Variants in NUP210 observed in about 807,000 individuals in gnomAD.
NUP210 encodes the protein nuclear pore membrane glycoprotein 210.
A neutral mutation model predicts 196.0 loss-of-function variants in NUP210; 151 were observed. The observed-to-expected ratio is 0.77, with a 90% confidence interval of 0.67 to 0.88. The LOEUF is 0.88. NUP210 is among the 40% of genes least tolerant of loss of function. The pLI is 0.00. For missense variants in NUP210, 2,314 were observed against 2,493.7 expected, an observed-to-expected ratio of 0.93 and a Z score of 1.53; for synonymous variants, 1,070 against 1,052.7, an observed-to-expected ratio of 1.02 and a Z score of -0.32.
At chr3:13,372,570 A>C (rs1462547093) in intron 12 of NUP210, among the ~76,000 whole-genome samples, 1 of 152,140 alleles carries the variant, frequency 6.6e-6, no homozygotes, top group Non-Finnish European at 1.5e-5. Flanking sequence ...GCGTGTTAGG[A>C]CCAGTGAGAT....
intron 5 of NUP210, among the ~76,000 whole-genome samples, chr3:13,387,809 G>A (rs1699324985): frequency 6.6e-6 from 1 of 152,146 alleles, no homozygotes; most frequent in African/African-American, 2.4e-5. Context: ...ATGCTGGTGA[G>A]GCCAGGAAGA....
chr3:13,348,895 G>A lies in NUP210; in HGVS notation c.2835+2984C>T. On this transcript the variant is annotated intron_variant, in intron 20 of 39. Transcript: ENST00000254508. The surrounding 1 kb of genome is among the most constrained non-coding windows in gnomAD (Gnocchi z 4.0). ...ACCCCAAACACCAAACAAAAAAACT[G>A]AATTAAAAAACTTATTAAACAGGGG... 1 of 961,468 alleles carries A rather than the reference G, an allele frequency of 1.0e-6. No homozygotes were observed. The allele number at this position is 961,468 out of a possible 1,614,324, so 59.6% of individuals were successfully genotyped here. A position where few individuals can be genotyped will look rare whatever the true frequency, so the allele number is the denominator to read the frequency against.
chr3:13,338,222 T>C (rs948343013), intron 25 of NUP210, among the ~76,000 whole-genome samples: 13 of 152,210 alleles, frequency 8.5e-5, no homozygotes, highest in African/African-American at 2.7e-4. Flanking sequence ...GACTGGTGCC[T>C]GCTCTTCCTT....
intron 26 of NUP210, 110 bp downstream of exon 26, chr3:13,337,727 A>G: frequency 1.0e-6 from 1 of 987,556 alleles, no homozygotes. Flanking sequence ...CAGGCCCTAG[A>G]TACCCGGGCC....
chr3:13,381,682 G>A (rs1699105631), intron 6 of NUP210, among the ~76,000 whole-genome samples: 1 of 151,968 alleles, frequency 6.6e-6, no homozygotes, highest in African/African-American at 2.4e-5. Flanking sequence ...TGAATTATTG[G>A]GCCAACAACA....
chr3:13,376,235 C>T lies in NUP210; in HGVS notation c.1293+56G>A, dbSNP rs73813570. 3.9e-3 allele frequency: 6,146 copies of T among 1,595,208 alleles called. 212 individuals are homozygous for T. The African/African-American group carries it at 0.074, about 19-fold the overall frequency. On this transcript the variant is annotated intron_variant, in intron 10 of 39. Transcript: ENST00000254508. ...TGGCCCTCCTGGGCTGACATTTCTG[C>T]CTACAGAGGGTGGCTTCATAGGACA... is the stretch of plus-strand genomic sequence containing the variant.
chr3:13,351,678 G>A lies in NUP210; in HGVS notation c.2835+201C>T, dbSNP rs1266136851. The A allele has an allele frequency of 6.8e-6, 3 of 441,632 alleles. No individual in the cohort carries two copies. The East Asian group carries it at 1.1e-4, about 17-fold the overall frequency. The allele number at this position is 441,632 out of a possible 1,614,324, so 27.4% of individuals were successfully genotyped here. On this transcript the variant is annotated intron_variant, in intron 20 of 39. Coordinates refer to ENST00000254508, the MANE Select transcript of NUP210 (RefSeq NM_024923.4). ...ATTTTTGATTTTTCTTTTTTTTTTT[G>A]TAGAGATGGGGGTCTCACTATATTG...
chr3:13,385,523 C>G (rs1435439742), intron 6 of NUP210, among the ~76,000 whole-genome samples: 1 of 152,244 alleles, frequency 6.6e-6, no homozygotes, highest in Non-Finnish European at 1.5e-5. Flanking sequence ...TTTGTCCTCA[C>G]AGCCCAGGCA....
chr3:13,330,973 A>G (rs945568298), intron 29 of NUP210, among the ~76,000 whole-genome samples: 1 of 152,122 alleles, frequency 6.6e-6, no homozygotes, highest in Non-Finnish European at 1.5e-5. Context: ...GTAAAATATC[A>G]TTTCTGCAGC....
intron 13 of NUP210, among the ~76,000 whole-genome samples, chr3:13,370,080 C>G (rs947085053): frequency 4.6e-5 from 7 of 152,304 alleles, no homozygotes; most frequent in African/African-American, 1.7e-4. Flanking sequence ...ACAGGTCAAC[C>G]TGCTGATCCA....
intron 14 of NUP210, among the ~76,000 whole-genome samples, chr3:13,365,611 C>A (rs1698503789): frequency 6.6e-6 from 1 of 152,220 alleles, no homozygotes; most frequent in African/African-American, 2.4e-5. Flanking sequence ...CAGAAGCACT[C>A]CCCTGTTCTG....
rs1485806812 is a variant in NUP210 at position 13,319,227 on chromosome 3, C to T, written c.5479+3G>A. On this transcript the variant is annotated splice_donor_region_variant and intron_variant, in intron 38 of 39. Coordinates refer to ENST00000254508, the MANE Select transcript of NUP210 (RefSeq NM_024923.4). Reference sequence around the variant, plus strand: ...GACCCAGAGATACAGGCAGCCTCCTCACCTATGATCATGACCGCTGTCCCA... The same window carrying T: ...GACCCAGAGATACAGGCAGCCTCCTTACCTATGATCATGACCGCTGTCCCA... 6.2e-7 allele frequency: 1 copy of T among 1,612,610 alleles called. No homozygotes were observed. The highest frequency in any genetic ancestry group is 8.5e-7 in the Non-Finnish European group (1 of 1,179,384).
At chr3:13,417,314 T>A (rs1700380387) in intron 1 of NUP210, among the ~76,000 whole-genome samples, 1 of 152,192 alleles carries the variant, frequency 6.6e-6, no homozygotes, top group Non-Finnish European at 1.5e-5. Flanking sequence ...ACTGTCCAAT[T>A]TTGATGTTAT....
rs1368724083 is a variant in NUP210, at chr3:13,345,926, T to G, written c.2836-2623A>C. On this transcript the variant is annotated intron_variant, in intron 20 of 39. Coordinates refer to ENST00000254508, the MANE Select transcript of NUP210 (RefSeq NM_024923.4). ...CTGAAACTCCTACTGTAGTTACTGC[T>G]GTCAGGAGTGGGCAGGTCCTTCACA... Among the ~76,000 whole-genome samples, 7 of 152,366 alleles carry G rather than the reference T, an allele frequency of 4.6e-5. No individual in the cohort carries two copies. In the East Asian group the frequency reaches 1.3e-3, roughly 29 times the overall value.
chr3:13,413,921 T>C (rs954877971), intron 1 of NUP210, among the ~76,000 whole-genome samples: 2 of 152,258 alleles, frequency 1.3e-5, no homozygotes, highest in African/African-American at 4.8e-5. Context: ...AGAAAACTTT[T>C]ATTTTGAGGA....
chr3:13,395,933 G>C (rs971748904), intron 3 of NUP210, among the ~76,000 whole-genome samples: 1 of 152,188 alleles, frequency 6.6e-6, no homozygotes, highest in Non-Finnish European at 1.5e-5. Flanking sequence ...GGCTTACTGA[G>C]TACTCACGCA....
intron 3 of NUP210, among the ~76,000 whole-genome samples, chr3:13,396,760 CAAAAAAAAAAAA>C (rs71066951): frequency 1.6e-5 from 1 of 62,098 alleles, no homozygotes; most frequent in Non-Finnish European, 2.7e-5. Flanking sequence ...GACTCTGTCT[CAAAAAAAAAAAA>C]AAAAAAAAAA....
intron 31 of NUP210, among the ~76,000 whole-genome samples, chr3:13,327,907 T>G (rs1465348083): frequency 6.6e-6 from 1 of 152,162 alleles, no homozygotes. Flanking sequence ...AAGCATTACA[T>G]GAGGTCAGCA....
chr3:13,345,484 G>A (rs971370615), intron 20 of NUP210, among the ~76,000 whole-genome samples: 4 of 152,186 alleles, frequency 2.6e-5, no homozygotes, highest in Non-Finnish European at 4.4e-5. Context: ...TGGGGAGGAG[G>A]GAGAGTGGAC....
Sources: gnomAD v4.1 joint callset for allele counts (sites outside exome capture counted in the v4.1 genomes callset) on GRCh38, gnomAD v4.1.1 for gene constraint, Gnocchi (gnomAD v3.1) non-coding constraint, MANE v1.5 for transcripts, NCBI Gene and HGNC (gene_info 2026-07-23, HGNC 2026-07-21) for gene names.